The following SV2C variants were observed in gnomAD, a reference collection of about 807,000 sequenced individuals.
SV2C encodes the protein synaptic vesicle glycoprotein 2C.
Under a neutral mutation model 79.7 loss-of-function variants are expected in SV2C, and 49 were observed. The ratio of observed to expected loss-of-function variants is 0.61; its 90% CI spans 0.49 to 0.78. The LOEUF (loss-of-function observed/expected upper bound fraction) is 0.78, where lower values mean the gene tolerates loss of function less well. Ranked by LOEUF, SV2C falls within the 30% of genes least tolerant of loss-of-function variation. The pLI, the probability that SV2C is intolerant of heterozygous loss-of-function variation, is 0.00. For missense variants in SV2C, 833 were observed against 912.9 expected (o/e 0.91, Z 1.13); for synonymous variants, 334 against 333.2 (o/e 1.00, Z -0.03).
chr5:75,850,722 A>C, the SV2C span, among the ~76,000 whole-genome samples: 1 of 152,282 alleles, frequency 6.6e-6, no homozygotes, highest in East Asian at 1.9e-4. Context: ...AGAAAGTATG[A>C]AAATACATTG....
intron 2 of SV2C, among the ~76,000 whole-genome samples, chr5:76,182,696 G>C (rs995352652): frequency 6.6e-6 from 1 of 152,170 alleles, no homozygotes; most frequent in Non-Finnish European, 1.5e-5. Context: ...ACCTGCCCTA[G>C]TCCTGGTGGC....
intron 4 of SV2C, among the ~76,000 whole-genome samples, chr5:76,213,158 T>A (rs2112361333): frequency 6.6e-6 from 1 of 152,300 alleles, no homozygotes; most frequent in Non-Finnish European, 1.5e-5. Flanking sequence ...CTAAAGGCTT[T>A]CCATGGCCAG....
chr5:75,915,464 T>G, the SV2C span, among the ~76,000 whole-genome samples: 1 of 152,374 alleles, frequency 6.6e-6, no homozygotes, highest in African/African-American at 2.4e-5. Context: ...TTAAGCTTTC[T>G]GGTTCTCAGA....
the SV2C span, among the ~76,000 whole-genome samples, chr5:75,916,977 G>T: frequency 6.6e-6 from 1 of 152,172 alleles, no homozygotes; most frequent in African/African-American, 2.4e-5. Context: ...GCAACTCTGA[G>T]TTGTGGATTC....
chr5:76,320,467 T>C (rs1338383968), intron 12 of SV2C, among the ~76,000 whole-genome samples: 1 of 152,196 alleles, frequency 6.6e-6, no homozygotes, highest in Non-Finnish European at 1.5e-5. Flanking sequence ...GGCTCATCAG[T>C]TGTAACAAAT....
chr5:76,299,904 G>T (rs970450617), intron 10 of SV2C, among the ~76,000 whole-genome samples: 4 of 152,150 alleles, frequency 2.6e-5, no homozygotes, highest in East Asian at 1.9e-4. Context: ...TTCAAGAAAA[G>T]ATTAGCAATG....
At chr5:75,972,722 C>G in the SV2C span, among the ~76,000 whole-genome samples, 71,641 of 151,874 alleles carry the variant, frequency 0.47, 17,803 homozygotes, top group Middle Eastern at 0.55. Context: ...CTTTTACACT[C>G]TTGGTGGGAC....
intron 4 of SV2C, among the ~76,000 whole-genome samples, chr5:76,233,720 C>T (rs1266957317): frequency 6.6e-6 from 1 of 151,154 alleles, no homozygotes; most frequent in Non-Finnish European, 1.5e-5. Flanking sequence ...GTCTTTGGCT[C>T]TGTTTATATG....
chr5:75,921,034 C>G, the SV2C span: 1 of 725,916 alleles, frequency 1.4e-6, no homozygotes, highest in Non-Finnish European at 2.5e-6. Flanking sequence ...TAATCACCAC[C>G]CACCTGATGC....
chr5:76,014,169 GAAGAAAGA>G, the SV2C span, among the ~76,000 whole-genome samples: 7 of 140,152 alleles, frequency 5.0e-5, no homozygotes, highest in East Asian at 4.2e-4. Context: ...AGGAAGGAAG[GAAGAAAGA>G]AAGAAAGAAA....
intron 4 of SV2C, among the ~76,000 whole-genome samples, chr5:76,269,874 TTTTTCC>T: frequency 6.6e-6 from 1 of 152,308 alleles, no homozygotes; most frequent in Admixed American, 6.5e-5. Flanking sequence ...CTGCATTTGA[TTTTTCC>T]AGCAGCATAG....
At chr5:75,922,497 C>T in the SV2C span, among the ~76,000 whole-genome samples, 6 of 152,140 alleles carry the variant, frequency 3.9e-5, no homozygotes, top group Non-Finnish European at 7.4e-5. Context: ...AGTAAGTAGT[C>T]TCATTTACTA....
At chr5:76,205,867 G>T (rs1417547432) in intron 3 of SV2C, among the ~76,000 whole-genome samples, 1 of 152,078 alleles carries the variant, frequency 6.6e-6, no homozygotes, top group Non-Finnish European at 1.5e-5. Context: ...AGCGTCTCTG[G>T]CCTCTACCCT....
At chr5:76,277,939 G>C (rs59390961) in intron 4 of SV2C, among the ~76,000 whole-genome samples, 4,196 of 152,218 alleles carry the variant, frequency 0.028, 172 homozygotes, top group African/African-American at 0.096. Flanking sequence ...AAACTGTTCT[G>C]TGCCCTGATA....
chr5:76,254,208 ATATATATGTGTGTG>A (rs1270226091), intron 4 of SV2C, among the ~76,000 whole-genome samples: 1 of 146,710 alleles, frequency 6.8e-6, no homozygotes, highest in Non-Finnish European at 1.5e-5. Context: ...ATATGTGTGT[ATATATATGTGTGTG>A]TATATATATG....
the SV2C span, among the ~76,000 whole-genome samples, chr5:75,991,279 G>A: frequency 0.8 from 121,456 of 151,636 alleles, 49,274 homozygotes; most frequent in African/African-American, 0.93. Flanking sequence ...TTATCATCAT[G>A]TTTTTGCCAA....
intron 12 of SV2C, among the ~76,000 whole-genome samples, chr5:76,304,984 G>C (rs1748135247): frequency 6.6e-6 from 1 of 152,142 alleles, no homozygotes; most frequent in South Asian, 2.1e-4. Context: ...TCTGCTTCTG[G>C]GGAGGCCTCA....
chr5:76,122,862 A>G (rs964049201), intron 1 of SV2C, among the ~76,000 whole-genome samples: 4 of 152,200 alleles, frequency 2.6e-5, no homozygotes, highest in African/African-American at 9.7e-5. Context: ...AAGGCAAGAA[A>G]TAACTAAAAT....
chr5:76,077,093 TA>T, the SV2C span, among the ~76,000 whole-genome samples: 1 of 152,158 alleles, frequency 6.6e-6, no homozygotes, highest in Admixed American at 6.5e-5. Context: ...TAAGTAGCAA[TA>T]ATCATCAACA....
Sources: gnomAD v4.1 joint callset for allele counts (sites outside exome capture counted in the v4.1 genomes callset) on GRCh38, gnomAD v4.1.1 for gene constraint, MANE v1.5 for transcripts, NCBI Gene and HGNC (gene_info 2026-07-23, HGNC 2026-07-21) for gene names.